Variants in FLNB observed in about 807,000 individuals in gnomAD.
FLNB encodes filamin B, also known as filamin-B.
Under a neutral mutation model 250.6 loss-of-function variants are expected in FLNB, and 111 were observed. The ratio of observed to expected loss-of-function variants is 0.44; its 90% CI spans 0.38 to 0.52. The LOEUF is 0.52. Ranked by LOEUF, FLNB falls within the 20% of genes least tolerant of loss-of-function variation. The probability of loss-of-function intolerance (pLI) is 0.00; values close to 1 mark genes in which losing one functional copy is unlikely to be tolerated. For missense variants in FLNB, 2,869 were observed against 3,447.8 expected (o/e 0.83, Z 4.20); for synonymous variants, 1,302 against 1,372.1 (o/e 0.95, Z 1.13).
chr3:58,013,189 G>A (rs1248434220), intron 1 of FLNB, among the ~76,000 whole-genome samples: 3 of 152,232 alleles, frequency 2.0e-5, no homozygotes, highest in Admixed American at 1.3e-4. Context: ...CTCAGCCCAA[G>A]AATGATGATC....
intron 1 of FLNB, among the ~76,000 whole-genome samples, chr3:58,042,384 G>C (rs1392453184): frequency 7.5e-6 from 1 of 132,974 alleles, no homozygotes; most frequent in East Asian, 2.2e-4. Flanking sequence ...GTCTTACTCT[G>C]TCACCCAGGC....
At chr3:58,155,932 A>C (rs2097352640) in intron 40 of FLNB, 28 bp from the exon 41 acceptor site, 2 of 1,517,536 alleles carry the variant, frequency 1.3e-6, no homozygotes, top group South Asian at 1.1e-5. Context: ...AGAGTCTCTG[A>C]AATGATGGGA....
intron 1 of FLNB, among the ~76,000 whole-genome samples, chr3:58,071,274 C>CTA (rs1278582420): frequency 2.5e-5 from 2 of 81,626 alleles, no homozygotes; most frequent in Non-Finnish European, 4.2e-5. Context: ...CTCCTCGATT[C>CTA]TTTTTTTTTT....
At chr3:58,132,361 A>C in intron 25 of FLNB, 1 of 413,148 alleles carries the variant, frequency 2.4e-6, no homozygotes, top group South Asian at 2.3e-5. Context: ...AAAGGTGGCC[A>C]CAAGTCTTGA....
At chr3:58,051,442 A>G (rs2097162240) in intron 1 of FLNB, among the ~76,000 whole-genome samples, 1 of 152,224 alleles carries the variant, frequency 6.6e-6, no homozygotes, top group Non-Finnish European at 1.5e-5. Context: ...CATGTACAGT[A>G]CTTGCTCTCC....
chr3:58,082,264 G>GT (rs2097210256), intron 4 of FLNB, among the ~76,000 whole-genome samples: 1 of 152,138 alleles, frequency 6.6e-6, no homozygotes, highest in Non-Finnish European at 1.5e-5. Flanking sequence ...GCGGAACACC[G>GT]TTTTGCTCAG....
rs540100708 is a variant in FLNB at position 58,091,237 on chromosome 3, A to G, written c.788-3599A>G. Among the ~76,000 whole-genome samples the G allele has an allele frequency of 2.0e-5, 3 of 152,368 alleles. No homozygotes were observed. In the East Asian group the frequency reaches 5.8e-4, roughly 29 times the overall value. On this transcript the variant is annotated intron_variant, in intron 4 of 45. Transcript: ENST00000295956. The stretch of plus-strand genomic sequence containing the variant: ...GAAAAGGCAAAGGAATTAAAGTAGC[A>G]AAAACAATTTTGAGAAAGAAGTACA...
intron 43 of FLNB, among the ~76,000 whole-genome samples, chr3:58,167,074 G>A (rs2097371919): frequency 6.6e-6 from 1 of 152,178 alleles, no homozygotes; most frequent in Admixed American, 6.5e-5. Context: ...GTTGCAATAA[G>A]CCAAGATCAT....
At chr3:58,087,525 C>T (rs374219669) in intron 4 of FLNB, among the ~76,000 whole-genome samples, 120 of 152,094 alleles carry the variant, frequency 7.9e-4, no homozygotes, top group African/African-American at 2.7e-3. Flanking sequence ...ATGATCTCGG[C>T]CCACTGCAAC....
chr3:58,024,701 C>CT (rs1174805764), intron 1 of FLNB, among the ~76,000 whole-genome samples: 3,893 of 83,476 alleles, frequency 0.047, 562 homozygotes, highest in East Asian at 0.16. Flanking sequence ...GCCAAGCCTC[C>CT]TTTTTTTTTT....
chr3:58,169,282 T>C lies in FLNB; in HGVS notation c.7418-308T>C. 1 of 424,504 alleles carries C rather than the reference T, an allele frequency of 2.4e-6. No homozygotes were observed. The highest frequency in any genetic ancestry group is 2.5e-5 in the South Asian group (1 of 40,526). The allele number at this position is 424,504 out of a possible 1,614,324, so 26.3% of individuals were successfully genotyped here. On this transcript the variant is annotated intron_variant, in intron 44 of 45. Coordinates refer to ENST00000295956, the MANE Select transcript of FLNB (RefSeq NM_001457.4). This position sits in a 1 kb window ranked among gnomAD's most constrained non-coding sequence, Gnocchi z 4.8. ...TTATACATAGACTATTTTATGTCAA[T>C]AGAAAGATGTGAATTCCACAGGCAC...
chr3:58,131,319 C>T (rs1374344310), intron 25 of FLNB, among the ~76,000 whole-genome samples: 1 of 152,174 alleles, frequency 6.6e-6, no homozygotes, highest in Non-Finnish European at 1.5e-5. Context: ...TCTGGGAATG[C>T]CAGGCACATG....
chr3:58,088,945 A>T (rs1302475997), intron 4 of FLNB, among the ~76,000 whole-genome samples: 1 of 152,138 alleles, frequency 6.6e-6, no homozygotes. Flanking sequence ...CTTGAGCATC[A>T]GTCGAGGTTG....
chr3:58,095,089 G>A (rs2097235870), intron 5 of FLNB, 135 bp downstream of exon 5: 1 of 758,078 alleles, frequency 1.3e-6, no homozygotes, highest in Non-Finnish European at 2.4e-6. Flanking sequence ...GGATACTGAG[G>A]CTTATAGCTG....
chr3:58,043,340 GA>G (rs2097149007), intron 1 of FLNB, among the ~76,000 whole-genome samples: 1 of 151,876 alleles, frequency 6.6e-6, no homozygotes, highest in African/African-American at 2.4e-5. Context: ...TCATCATGTT[GA>G]CCAGGCTGGT....
chr3:58,124,550 C>T (rs770871050), intron 22 of FLNB, 45 bp downstream of exon 22: 5 of 1,604,140 alleles, frequency 3.1e-6, no homozygotes, highest in Middle Eastern at 1.8e-4. Context: ...CAGAGCTGCC[C>T]TTGGTCATTG....
intron 1 of FLNB, among the ~76,000 whole-genome samples, chr3:58,010,912 C>T (rs1004824128): frequency 6.6e-6 from 1 of 152,060 alleles, no homozygotes; most frequent in African/African-American, 2.4e-5. Flanking sequence ...CCTGCTCCCC[C>T]TCCCCACCAC....
intron 8 of FLNB, 104 bp downstream of exon 8, chr3:58,099,012 G>A (rs1240714050): frequency 2.1e-6 from 2 of 957,938 alleles, no homozygotes; most frequent in Non-Finnish European, 3.4e-6. Context: ...TTGACCTTAT[G>A]CCTATCCCTT....
At chr3:58,066,573 CTT>C (rs1229162367) in intron 1 of FLNB, among the ~76,000 whole-genome samples, 1 of 152,202 alleles carries the variant, frequency 6.6e-6, no homozygotes, top group Non-Finnish European at 1.5e-5. Context: ...CTCGTTTTGA[CTT>C]TTAAAGGATT....
Sources: allele counts gnomAD v4.1 joint callset (sites outside exome capture counted in the v4.1 genomes callset), GRCh38; gene constraint gnomAD v4.1.1; non-coding constraint Gnocchi (gnomAD v3.1); transcripts MANE v1.5; gene names NCBI Gene and HGNC (gene_info 2026-07-23, HGNC 2026-07-21).